Variants in BRWD1 observed in about 807,000 individuals in gnomAD.
BRWD1 encodes bromodomain and WD repeat domain containing 1, also known as bromodomain and WD repeat-containing protein 1.
BRWD1 carries 82 observed loss-of-function variants against 251.2 expected under a neutral mutation model. The ratio of observed to expected loss-of-function variants is 0.33; its 90% CI spans 0.27 to 0.39. BRWD1 has a LOEUF of 0.39. Among genes scored for constraint, BRWD1 ranks in the 10% least tolerant of loss-of-function variants. The pLI, the probability that BRWD1 is intolerant of heterozygous loss-of-function variation, is 1.00. For missense variants in BRWD1, 2,233 were observed against 2,711.6 expected (o/e 0.82, Z 3.92); for synonymous variants, 918 against 902.8 (o/e 1.02, Z -0.30).
At chr21:39,263,914 G>A (rs1277794699) in intron 17 of BRWD1, among the ~76,000 whole-genome samples, 3 of 152,186 alleles carry the variant, frequency 2.0e-5, no homozygotes, top group African/African-American at 7.2e-5. Context: ...CATCATTTAT[G>A]TTGTATTCTG....
chr21:39,265,119 C>CT, intron 15 of BRWD1, 100 bp from the exon 16 acceptor site: 60 of 1,115,392 alleles, frequency 5.4e-5, no homozygotes, highest in Non-Finnish European at 5.7e-5. Context: ...TATATCCCTT[C>CT]TGAAAAAAAA....
intron 19 of BRWD1, among the ~76,000 whole-genome samples, chr21:39,253,301 A>G (rs2034459259): frequency 1.3e-5 from 2 of 151,462 alleles, no homozygotes; most frequent in South Asian, 4.2e-4. Context: ...AAAAAAAAAA[A>G]AAAAAAAAAA....
rs2146444002 is a variant in BRWD1 at position 39,192,716 on chromosome 21, A to G, written c.*3543T>C. On this transcript the variant is annotated 3_prime_UTR_variant, in exon 41 of 41. Coordinates refer to ENST00000342449, the MANE Select transcript of BRWD1 (RefSeq NM_033656.4). ...AAAAAGACCATTTTCTAGCCATTTAAAAGTTACTCAAAAAATTGATACAAT... is the reference window on the plus strand; with the variant it reads ...AAAAAGACCATTTTCTAGCCATTTAGAAGTTACTCAAAAAATTGATACAAT... The G allele has an allele frequency of 1.0e-6, 1 of 985,186 alleles. No homozygotes were observed. Among genetic ancestry groups the G allele is most frequent in the African/African-American group, 1.7e-5 (1 of 57,332 alleles). The allele number at this position is 985,186 out of a possible 1,614,324, so 61.0% of individuals were successfully genotyped here.
intron 33 of BRWD1, 27 bp from the exon 34 acceptor site, chr21:39,212,734 GTATT>G (rs2032716129): frequency 6.8e-7 from 1 of 1,460,870 alleles, no homozygotes; most frequent in Non-Finnish European, 9.4e-7. Flanking sequence ...AGCACCTTAA[GTATT>G]TAGAGTCTCA....
intron 14 of BRWD1, 91 bp downstream of exon 14, chr21:39,270,192 C>A: frequency 7.8e-7 from 1 of 1,276,936 alleles, no homozygotes; most frequent in Non-Finnish European, 1.0e-6. Flanking sequence ...ATGAGAGAAA[C>A]AACTTGTTCA....
intron 8 of BRWD1, 141 bp from the exon 9 acceptor site, chr21:39,280,389 G>GA: frequency 3.1e-6 from 2 of 635,378 alleles, no homozygotes; most frequent in East Asian, 5.9e-5. Flanking sequence ...CTACCGTAGT[G>GA]AAAAAATCAT....
chr21:39,200,296 T>G lies in BRWD1; in HGVS notation c.4676A>C (p.Glu1559Ala), dbSNP rs1199764876. 6.2e-7 allele frequency: 1 copy of G among 1,614,174 alleles called. No individual in the cohort carries two copies. The highest frequency in any genetic ancestry group is 1.7e-5 in the Admixed American group (1 of 60,024). Residue 1559 changes from glutamate (E) to alanine (A), a missense_variant, in exon 39 of 41, where the codon GAA (glutamate) becomes GCA (alanine). Glu to Ala is a moderately radical substitution (Grantham distance 107). Coordinates refer to ENST00000342449, the MANE Select transcript of BRWD1 (RefSeq NM_033656.4). ...EESKESSRARESSSRSGLSRS... is the reference protein window; with the variant it reads ...EESKESSRARASSSRSGLSRS... ...GGATAGCCCACTGCGTGAGGAGGAT[T>G]CACGAGCTCTGGAACTCTCTTTGCT...
chr21:39,235,791 A>G (rs569237904), intron 23 of BRWD1: 18 of 177,894 alleles, frequency 1.0e-4, no homozygotes, highest in African/African-American at 3.8e-4. Context: ...CACTATGCCC[A>G]TCAGCCCTAT....
chr21:39,232,600 T>G, intron 23 of BRWD1, 102 bp from the exon 24 acceptor site: 2 of 1,367,168 alleles, frequency 1.5e-6, no homozygotes, highest in Non-Finnish European at 2.0e-6. Context: ...AATGACTATT[T>G]TTGCCATGTC....
intron 8 of BRWD1, among the ~76,000 whole-genome samples, chr21:39,288,101 C>G (rs2035698184): frequency 6.6e-6 from 1 of 152,180 alleles, no homozygotes; most frequent in African/African-American, 2.4e-5. Flanking sequence ...ATAGGGGGAT[C>G]TGCTTCCAAA....
intron 5 of BRWD1, chr21:39,297,778 A>C (rs2035998255): frequency 1.5e-6 from 1 of 680,040 alleles, no homozygotes; most frequent in Non-Finnish European, 1.8e-6. Flanking sequence ...AACTTGATGT[A>C]TACTCAGCAT....
intron 12 of BRWD1, among the ~76,000 whole-genome samples, chr21:39,275,021 G>C (rs971394523): frequency 6.6e-6 from 1 of 151,988 alleles, no homozygotes; most frequent in Non-Finnish European, 1.5e-5. Context: ...CTCCAGCCTA[G>C]GCAACAGAGC....
chr21:39,196,706 T>G lies in BRWD1; in HGVS notation c.6363A>C (p.Thr2121=). The part of the protein sequence containing the change: ...KTKVIHDSQE[T]AEKEVKRKRS... ...TCTTCCTTTTTACTTCCTTCTCTGC[T>G]GTTTCCTGTGAATCATGAATCACTT... The change falls in exon 41 of 41, where the codon ACA becomes ACC. Residue 2121 remains threonine (T), a synonymous_variant. Transcript: ENST00000342449. 1 of 1,613,968 alleles carries G rather than the reference T, an allele frequency of 6.2e-7. No individual in the cohort carries two copies. Among genetic ancestry groups the G allele is most frequent in the East Asian group, 2.2e-5 (1 of 44,884 alleles).
At chr21:39,185,295 T>C (rs375594241), downstream of BRWD1, 1 of 71,838 alleles carries the variant, frequency 1.4e-5, no homozygotes, top group Non-Finnish European at 2.8e-5. Flanking sequence ...CTGAAATTGC[T>C]AAAAAAAAAA....
At position 39,198,828 on chromosome 21, in the gene BRWD1, T is replaced by C; in HGVS notation, c.5588A>G (p.His1863Arg). ...TGAATCTAAATCAGTTTCACATCCATGATCTGAGGAACACTGGGACATAGC... is the reference window on the plus strand; with the variant it reads ...TGAATCTAAATCAGTTTCACATCCACGATCTGAGGAACACTGGGACATAGC... ...PIAMSQCSSD[H>R]GCETDLDSDD... is the part of the protein sequence containing the mutation. Residue 1863 changes from histidine (H) to arginine (R), a missense_variant, in exon 40 of 41, where the codon CAT becomes CGT. By Grantham distance (29) the His-to-Arg change is conservative. Around this residue, in one of 12 missense-constraint regions of BRWD1, gnomAD observed 928 missense variants for 970.0 expected, o/e 0.96. Coordinates refer to ENST00000342449, the MANE Select transcript of BRWD1 (RefSeq NM_033656.4). 1.9e-6 allele frequency: 3 copies of C among 1,612,420 alleles called. No individual in the cohort carries two copies. In the South Asian group the frequency reaches 3.3e-5, roughly 18 times the overall value.
Position 39,264,620 on chromosome 21 carries a change from G to T in BRWD1, c.1725C>A (p.Val575=). The T allele has an allele frequency of 6.2e-7, 1 of 1,613,116 alleles. No individual in the cohort carries two copies. Among genetic ancestry groups the T allele is most frequent in the Non-Finnish European group, 8.5e-7 (1 of 1,179,594 alleles). The change falls in exon 17 of 41, where the codon GTC becomes GTA. Residue 575 remains valine, a synonymous_variant. Transcript: ENST00000342449. Reference sequence around the variant, plus strand: ...GAGCCTGCTGAGTTTGCTCATCTAAGACATAATTATTAGAATCTCTAATAA... The same window carrying T: ...GAGCCTGCTGAGTTTGCTCATCTAATACATAATTATTAGAATCTCTAATAA... The part of the protein sequence containing the change: ...RPLIRDSNNY[V]LDEQTQQAPH...
At chr21:39,274,600 T>C in intron 12 of BRWD1, 128 bp from the exon 13 acceptor site, 3 of 766,280 alleles carry the variant, frequency 3.9e-6, no homozygotes, top group Non-Finnish European at 4.3e-6. Flanking sequence ...CAGGTGTTAA[T>C]TCAAAAGACA....
chr21:39,198,617 G>T, intron 40 of BRWD1, 146 bp downstream of exon 40: 1 of 643,958 alleles, frequency 1.6e-6, no homozygotes, highest in Non-Finnish European at 2.6e-6. Context: ...AACAGAGAAG[G>T]CTAACACAGA....
chr21:39,297,111 A>G (rs1397886010), intron 5 of BRWD1: 1 of 985,274 alleles, frequency 1.0e-6, no homozygotes, highest in Non-Finnish European at 1.2e-6. Context: ...CCTACCAGCA[A>G]ATGCACTAAG....
Sources: allele counts gnomAD v4.1 joint callset (sites outside exome capture counted in the v4.1 genomes callset), GRCh38; gene constraint gnomAD v4.1.1; regional missense constraint gnomAD v4.1.1; transcripts MANE v1.5; gene names NCBI Gene and HGNC (gene_info 2026-07-23, HGNC 2026-07-21).